Variants in SEMA3A observed in about 807,000 individuals in gnomAD.
SEMA3A encodes the protein semaphorin-3A.
In SEMA3A, 29 loss-of-function variants were observed where a neutral mutation model predicts 97.9. The ratio of observed to expected loss-of-function variants is 0.30; its 90% CI spans 0.22 to 0.40. The LOEUF (loss-of-function observed/expected upper bound fraction) is 0.40, where lower values mean the gene tolerates loss of function less well. Among genes scored for constraint, SEMA3A ranks in the 10% least tolerant of loss-of-function variants. SEMA3A has a pLI of 1.00. For synonymous variants in SEMA3A, 321 were observed against 323.7 expected, an observed-to-expected ratio of 0.99 and a Z score of 0.09; for missense variants, 763 against 951.3, an observed-to-expected ratio of 0.80 and a Z score of 2.60.
intron 6 of SEMA3A, among the ~76,000 whole-genome samples, chr7:84,040,859 T>G (rs1348670026): frequency 6.6e-6 from 1 of 152,190 alleles, no homozygotes; most frequent in East Asian, 1.9e-4. Context: ...TATAAAGAAT[T>G]GTCCAATATA....
At chr7:84,091,211 A>G (rs1228054311) in intron 4 of SEMA3A, among the ~76,000 whole-genome samples, 3 of 70,496 alleles carry the variant, frequency 4.3e-5, no homozygotes, top group South Asian at 4.3e-4. Context: ...AAAGAAAGAA[A>G]GAAAAGAAAA....
intron 1 of SEMA3A, among the ~76,000 whole-genome samples, chr7:84,460,475 GTTA>G (rs1805803018): frequency 6.6e-6 from 1 of 151,562 alleles, no homozygotes; most frequent in East Asian, 2.0e-4. Context: ...CAACTTAAAG[GTTA>G]TTATGTATCT....
Position 84,194,615 on chromosome 7 carries a change from C to T in SEMA3A, c.-29G>A. ...GCAGACGCTGTAGGTCCCTTTGCTGCTTTAGTCTTCCTTCCTGTATTGTGC... is the reference window on the plus strand; with the variant it reads ...GCAGACGCTGTAGGTCCCTTTGCTGTTTTAGTCTTCCTTCCTGTATTGTGC... On this transcript the variant is annotated 5_prime_UTR_variant, in exon 1 of 17. Coordinates refer to ENST00000265362, the MANE Select transcript of SEMA3A (RefSeq NM_006080.3). 1 of 1,360,368 alleles carries T rather than the reference C, an allele frequency of 7.4e-7. No individual in the cohort carries two copies. The highest frequency in any genetic ancestry group is 1.1e-6 in the Non-Finnish European group (1 of 950,050). 84.3% of individuals were successfully genotyped at this position (1,360,368 alleles called of 1,614,324 possible). A position where few individuals can be genotyped will look rare whatever the true frequency, so the allele number is the denominator to read the frequency against.
At chr7:84,240,075 G>A (rs1204570945) in intron 3 of SEMA3A, among the ~76,000 whole-genome samples, 1 of 152,110 alleles carries the variant, frequency 6.6e-6, no homozygotes, top group East Asian at 1.9e-4. Flanking sequence ...TGGTCTGTAG[G>A]ATCCCAAAAG....
intron 1 of SEMA3A, among the ~76,000 whole-genome samples, chr7:84,452,500 C>G (rs1805580479): frequency 6.6e-6 from 1 of 152,008 alleles, no homozygotes; most frequent in Non-Finnish European, 1.5e-5. Context: ...AAACATTCAC[C>G]AAGATAATAT....
chr7:84,409,739 T>C (rs1562937444), intron 1 of SEMA3A, among the ~76,000 whole-genome samples: 1 of 152,164 alleles, frequency 6.6e-6, no homozygotes, highest in Non-Finnish European at 1.5e-5. Context: ...AATCACTGAC[T>C]TTCTTGGACC....
chr7:83,988,888 C>A (rs1182394862), intron 12 of SEMA3A, among the ~76,000 whole-genome samples: 1 of 140,306 alleles, frequency 7.1e-6, no homozygotes, highest in African/African-American at 2.7e-5. Context: ...CTGACAGAGT[C>A]TCGCTGTTGC....
chr7:84,488,440 A>T (rs1368543891), intron 1 of SEMA3A, among the ~76,000 whole-genome samples: 6 of 152,084 alleles, frequency 3.9e-5, no homozygotes, highest in Admixed American at 3.9e-4. Flanking sequence ...CTATTGAATA[A>T]CTGAGGCCTT....
chr7:84,409,096 TAC>T (rs1444469040), intron 1 of SEMA3A, among the ~76,000 whole-genome samples: 1 of 148,566 alleles, frequency 6.7e-6, no homozygotes. Flanking sequence ...TAAAAAAAAA[TAC>T]AGTTAGAAGG....
At chr7:84,428,661 T>G (rs1804889413) in intron 1 of SEMA3A, among the ~76,000 whole-genome samples, 1 of 152,094 alleles carries the variant, frequency 6.6e-6, no homozygotes, top group South Asian at 2.1e-4. Context: ...TATAAAAATT[T>G]GCATTCATAT....
At chr7:84,011,149 AAATATTCTCT>A (rs1276897844) in intron 8 of SEMA3A, 24 bp downstream of exon 8, 1 of 1,604,722 alleles carries the variant, frequency 6.2e-7, no homozygotes, top group Admixed American at 1.7e-5. Flanking sequence ...AAGTCTGAAC[AAATATTCTCT>A]ATACATAAAC....
chr7:84,089,868 G>A (rs1794508807), intron 4 of SEMA3A, among the ~76,000 whole-genome samples: 1 of 151,964 alleles, frequency 6.6e-6, no homozygotes, highest in South Asian at 2.1e-4. Context: ...GTTATGAACT[G>A]TGCTAAAGAT....
At chr7:84,348,072 T>A (rs1291582110) in intron 2 of SEMA3A, among the ~76,000 whole-genome samples, 1 of 152,120 alleles carries the variant, frequency 6.6e-6, no homozygotes, top group African/African-American at 2.4e-5. Context: ...GACTCTGCAT[T>A]TTCTGCTCAA....
intron 1 of SEMA3A, among the ~76,000 whole-genome samples, chr7:84,438,701 G>A (rs1805198066): frequency 6.6e-6 from 1 of 151,910 alleles, no homozygotes; most frequent in South Asian, 2.1e-4. Flanking sequence ...ACTTCTGTAT[G>A]GTAAGTAATA....
chr7:83,984,826 T>C (rs559419878), intron 13 of SEMA3A, among the ~76,000 whole-genome samples: 1 of 152,148 alleles, frequency 6.6e-6, no homozygotes, highest in Non-Finnish European at 1.5e-5. Context: ...AACCTTTGAA[T>C]TCATGAAGTT....
intron 3 of SEMA3A, among the ~76,000 whole-genome samples, chr7:84,220,895 A>C (rs1798863278): frequency 6.6e-6 from 1 of 152,126 alleles, no homozygotes; most frequent in African/African-American, 2.4e-5. Context: ...CCTCAAGTTG[A>C]AATCACCAGC....
intron 16 of SEMA3A, among the ~76,000 whole-genome samples, chr7:83,962,432 A>T (rs534773902): frequency 3.9e-5 from 6 of 152,258 alleles, no homozygotes; most frequent in African/African-American, 1.4e-4. Context: ...AATGCATGAA[A>T]TCAATCTTGC....
intron 1 of SEMA3A, among the ~76,000 whole-genome samples, chr7:84,428,289 C>T (rs1004948099): frequency 6.6e-6 from 1 of 151,964 alleles, no homozygotes; most frequent in Non-Finnish European, 1.5e-5. Flanking sequence ...GGGAATATCT[C>T]TTTAGCAGTT....
At chr7:84,316,819 A>C (rs760025957) in intron 2 of SEMA3A, among the ~76,000 whole-genome samples, 2 of 152,176 alleles carry the variant, frequency 1.3e-5, no homozygotes, top group Non-Finnish European at 2.9e-5. Context: ...CGGGGCGCCC[A>C]CAATCAAGCC....
Sources: allele counts gnomAD v4.1 joint callset (sites outside exome capture counted in the v4.1 genomes callset), GRCh38; gene constraint gnomAD v4.1.1; transcripts MANE v1.5; gene names NCBI Gene and HGNC (gene_info 2026-07-23, HGNC 2026-07-21).